ITGA2B: variants seen among roughly 807,000 people sequenced by gnomAD.
The protein encoded by ITGA2B is integrin subunit alpha 2b.
A neutral mutation model predicts 142.0 loss-of-function variants in ITGA2B; 91 were observed. That is an observed-to-expected ratio of 0.64 (90% confidence interval 0.54 to 0.76). The LOEUF (loss-of-function observed/expected upper bound fraction) is 0.76, where lower values mean the gene tolerates loss of function less well. Among genes scored for constraint, ITGA2B ranks in the 30% least tolerant of loss-of-function variants. The probability of loss-of-function intolerance (pLI) is 0.00; values close to 1 mark genes in which losing one functional copy is unlikely to be tolerated. For missense variants in ITGA2B, 1,231 were observed against 1,350.8 expected (o/e 0.91, Z 1.39); for synonymous variants, 536 against 567.2 (o/e 0.94, Z 0.78).
intron 29 of ITGA2B, among the ~76,000 whole-genome samples, chr17:44,373,749 CT>C (rs912610129): frequency 4.6e-5 from 7 of 152,186 alleles, no homozygotes; most frequent in African/African-American, 1.7e-4. Context: ...TCTATACCCT[CT>C]ATATCCTCTG....
In ITGA2B at chr17:44,384,298, TG is replaced by T. The variant is rs373578804; in HGVS notation, c.891+12del. On this transcript the variant is annotated intron_variant, in intron 9 of 29. Coordinates refer to ENST00000262407, the MANE Select transcript of ITGA2B (RefSeq NM_000419.5). ...TAAGGGGCTTCGGGAGGCCCAGTGG[TG>T]GGGGCACTTACCGCTCCCAGGGTCC... The T allele has an allele frequency of 7.9e-4, 1,272 of 1,611,940 alleles. 6 individuals carry two copies. In the African/African-American group the frequency reaches 0.015, roughly 19 times the overall value.
rs1372331896 is a variant in ITGA2B, at chr17:44,385,670, T to C, written c.455A>G (p.Glu152Gly). Residue 152 changes from glutamate to glycine, a missense_variant, in exon 4 of 30, where the codon GAG becomes GGG. Glu to Gly is a moderately conservative substitution (Grantham distance 98, BLOSUM62 -2). This residue lies in a region of ITGA2B where 318 missense variants were observed against 312.2 expected (regional missense o/e 1.02). Coordinates refer to ENST00000262407, the MANE Select transcript of ITGA2B (RefSeq NM_000419.5). Reference protein sequence around the residue: ...QHWNVLEKTEEAEKTPVGSCF... With the variant: ...QHWNVLEKTEGAEKTPVGSCF... ...GCTACCTACGGGCGTCTTCTCAGCC[T>C]CCTCAGTCTTTTCTAGGACGTTCCA... is the stretch of plus-strand genomic sequence containing the variant. 2 of 1,613,750 alleles carry C rather than the reference T, an allele frequency of 1.2e-6. No individual in the cohort carries two copies. Among genetic ancestry groups the C allele is most frequent in the Admixed American group, 3.3e-5 (2 of 60,030 alleles).
Position 44,383,640 on chromosome 17 carries a change from C to G in ITGA2B, c.1063G>C (p.Glu355Gln). The change falls in exon 12 of 30, where the codon GAA becomes CAA. Residue 355 changes from glutamate to glutamine, a missense_variant. Transcript: ENST00000262407. Reference sequence around the variant, plus strand: ...AGGAACAAATACACACGCCCCACTTCGGCCAGTTTTCGGTCTGCCCGGCTC... The same window carrying G: ...AGGAACAAATACACACGCCCCACTTGGGCCAGTTTTCGGTCTGCCCGGCTC... ...MESRADRKLA[E>Q]VGRVYLFLQP... 1 of 1,602,264 alleles carries G rather than the reference C, an allele frequency of 6.2e-7. No individual in the cohort carries two copies. The highest frequency in any genetic ancestry group is 1.1e-5 in the South Asian group (1 of 88,956).
chr17:44,381,387 T>A (rs1288004852), intron 12 of ITGA2B, among the ~76,000 whole-genome samples: 4 of 152,054 alleles, frequency 2.6e-5, no homozygotes, highest in Admixed American at 2.0e-4. Context: ...TGGAGTGCAG[T>A]GGTGCGATCT....
intron 29 of ITGA2B, 168 bp downstream of exon 29, chr17:44,374,186 G>A (rs370305550): frequency 1.4e-6 from 1 of 718,750 alleles, no homozygotes; most frequent in East Asian, 2.5e-5. Context: ...GATTACAGGT[G>A]TGAGCCACCC....
At chr17:44,388,679 C>G (rs1487819813) in intron 1 of ITGA2B, among the ~76,000 whole-genome samples, 2 of 152,032 alleles carry the variant, frequency 1.3e-5, no homozygotes, top group Admixed American at 6.6e-5. Flanking sequence ...CCACCACGCT[C>G]AGCTAATTTT....
chr17:44,375,497 G>A, intron 26 of ITGA2B, 94 bp downstream of exon 26: 1 of 1,489,650 alleles, frequency 6.7e-7, no homozygotes, highest in Non-Finnish European at 9.2e-7. Context: ...GCCCACAGAG[G>A]CCCACAGCAC....
In ITGA2B at chr17:44,385,155, G is replaced by T; in HGVS notation, c.670+9C>A. The T allele has an allele frequency of 6.2e-7, 1 of 1,614,106 alleles. No homozygotes were observed. The highest frequency in any genetic ancestry group is 8.5e-7 in the Non-Finnish European group (1 of 1,180,036). ...GAGAAGGGAGGGAGGTGTACGGATG[G>T]GCACGTACCTAAGAAATAATAGCCG... On this transcript the variant is annotated intron_variant, in intron 6 of 29. Coordinates refer to ENST00000262407, the MANE Select transcript of ITGA2B (RefSeq NM_000419.5).
At position 44,380,104 on chromosome 17, in the gene ITGA2B, C is replaced by A. The variant is rs1427258524; in HGVS notation, c.1650G>T (p.Arg550=). The A allele has an allele frequency of 6.2e-7, 1 of 1,613,988 alleles. No homozygotes were observed. Among genetic ancestry groups the A allele is most frequent in the South Asian group, 1.1e-5 (1 of 91,078 alleles). Residue 550 remains arginine (R), a synonymous_variant, in exon 17 of 30, where the codon CGG becomes CGT. Coordinates refer to ENST00000262407, the MANE Select transcript of ITGA2B (RefSeq NM_000419.5). ...QLDRQKPRQG[R]RVLLLGSQQA... ...GTTGAGAGCCCAGCAGCAGCACCCG[C>A]CGGCCCTGGCGGGGCTTCTGCCGGT...
rs116177024 is a variant in ITGA2B at position 44,389,592 on chromosome 17, C to T, written c.-119G>A. 5.2e-4 allele frequency: 605 copies of T among 1,165,014 alleles called. 1 individual carries two copies. The African/African-American group carries it at 6.9e-3, about 13-fold the overall frequency. The allele number at this position is 1,165,014 out of a possible 1,614,324, so 72.2% of individuals were successfully genotyped here. On this transcript the variant is annotated 5_prime_UTR_variant, in exon 1 of 30. Coordinates refer to ENST00000262407, the MANE Select transcript of ITGA2B (RefSeq NM_000419.5). ...GAACCCCAAGTAACTTGCTGAGCAA[C>T]GGGCAGAGCAAAGGGCTATAGCCCC...
chr17:44,375,956 A>G lies in ITGA2B; in HGVS notation c.2478T>C (p.Asn826=). ...ELHNNGPGTV[N]GLHLSIHLPG... is the part of the protein sequence containing the mutation. ...GAAGGTGGATGCTGAGGTGAAGACCATTCACAGTCCCAGGGCCATTGTTGT... is the reference window on the plus strand; with the variant it reads ...GAAGGTGGATGCTGAGGTGAAGACCGTTCACAGTCCCAGGGCCATTGTTGT... Residue 826 remains asparagine, a synonymous_variant, in exon 25 of 30, where the codon AAT becomes AAC. Transcript: ENST00000262407. The G allele has an allele frequency of 6.2e-7, 1 of 1,614,128 alleles. No individual in the cohort carries two copies. Among genetic ancestry groups the G allele is most frequent in the Non-Finnish European group, 8.5e-7 (1 of 1,180,014 alleles).
At chr17:44,373,414 G>C (rs2048513422) in intron 29 of ITGA2B, among the ~76,000 whole-genome samples, 1 of 152,186 alleles carries the variant, frequency 6.6e-6, no homozygotes, top group South Asian at 2.1e-4. Context: ...GGGATTACCG[G>C]TGTGAGCCAC....
rs2048623330 is a variant in ITGA2B at position 44,384,246 on chromosome 17, C to T, written c.891+65G>A. ...AGGCGGGGCGGGGGTGGGGGGCGCTCAGGAGTTGTCAGCCTGAGAACTGGG... is the reference window on the plus strand; with the variant it reads ...AGGCGGGGCGGGGGTGGGGGGCGCTTAGGAGTTGTCAGCCTGAGAACTGGG... On this transcript the variant is annotated intron_variant, in intron 9 of 29. Transcript: ENST00000262407. 7 of 1,602,226 alleles carry T rather than the reference C, an allele frequency of 4.4e-6. No individual in the cohort carries two copies. The East Asian group carries it at 1.1e-4, about 26-fold the overall frequency.
chr17:44,386,099 A>G lies in ITGA2B; in HGVS notation c.221T>C (p.Leu74Pro). ...GCCCGTCTCCTCCTGGCTGGGGCCC[A>G]GGGTCCGCGGGGCGCCCACCACGAT... ...VAIVVGAPRT[L>P]GPSQEETGGV... is the part of the protein sequence containing the mutation. The change falls in exon 2 of 30, where the codon CTG becomes CCG. Residue 74 changes from leucine (L) to proline (P), a missense_variant. Around this residue, in one of 3 missense-constraint regions of ITGA2B, gnomAD observed 318 missense variants for 312.2 expected, o/e 1.02. Transcript: ENST00000262407. 2 of 1,606,896 alleles carry G rather than the reference A, an allele frequency of 1.2e-6. No individual in the cohort carries two copies. The highest frequency in any genetic ancestry group is 1.1e-5 in the South Asian group (1 of 90,514).
chr17:44,377,349 C>T (rs1299537697), intron 21 of ITGA2B, among the ~76,000 whole-genome samples: 3 of 152,056 alleles, frequency 2.0e-5, no homozygotes, highest in Non-Finnish European at 4.4e-5. Flanking sequence ...GCGTGCGCCA[C>T]CATGCCCGGG....
rs1449092392 is a variant in ITGA2B at position 44,380,734 on chromosome 17, C to G, written c.1394-89G>C. 3.1e-6 allele frequency: 5 copies of G among 1,587,918 alleles called. No individual in the cohort carries two copies. The South Asian group carries it at 5.5e-5, about 18-fold the overall frequency. ...CCAGGGGTTCCCCACACCACCTCCC[C>G]CACTGGAGGTTTCACCCAGCCCCTC... On this transcript the variant is annotated intron_variant, in intron 13 of 29. Coordinates refer to ENST00000262407, the MANE Select transcript of ITGA2B (RefSeq NM_000419.5).
intron 18 of ITGA2B, among the ~76,000 whole-genome samples, chr17:44,379,095 C>T (rs535080518): frequency 4.9e-4 from 75 of 151,788 alleles, no homozygotes; most frequent in African/African-American, 1.6e-3. Context: ...TACAGGTACC[C>T]GCCACCACGC....
Position 44,383,715 on chromosome 17 carries a change from G to A in ITGA2B, c.999-11C>T. ...AGCAGATCATGCCTCCTGTGGGCCA[G>A]ATGAGTGGTTACATGGGACTGGACC... On this transcript the variant is annotated splice_polypyrimidine_tract_variant and intron_variant, in intron 11 of 29. Transcript: ENST00000262407. The A allele has an allele frequency of 1.9e-6, 3 of 1,567,052 alleles. No individual in the cohort carries two copies. The highest frequency in any genetic ancestry group is 2.6e-6 in the Non-Finnish European group (3 of 1,155,436).
In ITGA2B at chr17:44,380,436, A is replaced by G. The variant is rs1322970449; in HGVS notation, c.1494T>C (p.Asn498=). Residue 498 remains asparagine, a synonymous_variant, in exon 15 of 30, where the codon AAT becomes AAC. Coordinates refer to ENST00000262407, the MANE Select transcript of ITGA2B (RefSeq NM_000419.5). ...GTAGGACACAGCTCTTCACAGCAGG[A>G]TTCAGTGAATCTTGCACCAGTAGCT... ...SVQLLVQDSL[N]PAVKSCVLPQ... The G allele has an allele frequency of 2.5e-6, 4 of 1,614,148 alleles. No individual in the cohort carries two copies. Among genetic ancestry groups the G allele is most frequent in the Non-Finnish European group, 2.5e-6 (3 of 1,180,022 alleles).
Sources: allele counts gnomAD v4.1 joint callset (sites outside exome capture counted in the v4.1 genomes callset), GRCh38; gene constraint gnomAD v4.1.1; regional missense constraint gnomAD v4.1.1; transcripts MANE v1.5; gene names NCBI Gene and HGNC (gene_info 2026-07-23, HGNC 2026-07-21).